BCL11B: variants seen among roughly 807,000 people sequenced by gnomAD.
The protein encoded by BCL11B is B-cell lymphoma/leukemia 11B.
BCL11B carries 8 observed loss-of-function variants against 49.9 expected under a neutral mutation model. The ratio of observed to expected loss-of-function variants is 0.16; its 90% CI spans 0.09 to 0.29. The LOEUF is 0.29. BCL11B is among the 10% of genes least tolerant of loss of function. The pLI is 1.00. For synonymous variants in BCL11B, 739 were observed against 637.4 expected, an observed-to-expected ratio of 1.16 and a Z score of -2.40; for missense variants, 1,006 against 1,351.0, an observed-to-expected ratio of 0.74 and a Z score of 4.00.
At position 99,175,855 on chromosome 14, in the gene BCL11B, C is replaced by G. The variant is rs752195180; in HGVS notation, c.981G>C (p.Pro327=). 6.8e-7 allele frequency: 1 copy of G among 1,477,114 alleles called. No homozygotes were observed. Among genetic ancestry groups the G allele is most frequent in the Admixed American group, 2.6e-5 (1 of 38,618 alleles). The allele number at this position is 1,477,114 out of a possible 1,614,324, so 91.5% of individuals were successfully genotyped here. The change falls in exon 4 of 4, where the codon CCG becomes CCC. Residue 327 remains proline (P), a synonymous_variant. Coordinates refer to ENST00000357195, the MANE Select transcript of BCL11B (RefSeq NM_138576.4). The part of the protein sequence containing the change: ...FSPPPRHHLD[P]HRLSAEEMGL... ...CCATCTCCTCGGCACTGAGGCGGTG[C>G]GGGTCCAGGTGGTGGCGCGGCGGGG...
At chr14:99,214,667 T>TA (rs1182292165) in intron 3 of BCL11B, among the ~76,000 whole-genome samples, 32 of 151,164 alleles carry the variant, frequency 2.1e-4, no homozygotes, top group Admixed American at 5.3e-4. Context: ...ATTTAAATAT[T>TA]AAAAAAATAA....
At chr14:99,255,247 T>G (rs1453642255) in intron 2 of BCL11B, among the ~76,000 whole-genome samples, 1 of 152,058 alleles carries the variant, frequency 6.6e-6, no homozygotes, top group Non-Finnish European at 1.5e-5. Flanking sequence ...TTAAATGCTT[T>G]GAACAAACAT....
intron 3 of BCL11B, among the ~76,000 whole-genome samples, chr14:99,203,211 G>T (rs1253567025): frequency 6.6e-6 from 1 of 152,160 alleles, no homozygotes; most frequent in Admixed American, 6.5e-5. Context: ...AGCAGAACAG[G>T]CCTAGTCAGC....
At chr14:99,207,799 G>C (rs951444605) in intron 3 of BCL11B, among the ~76,000 whole-genome samples, 6 of 152,158 alleles carry the variant, frequency 3.9e-5, no homozygotes, top group African/African-American at 1.2e-4. Context: ...CAGGAGCCCA[G>C]TGGAGCAAGG....
chr14:99,238,880 T>C (rs932118343), intron 2 of BCL11B, among the ~76,000 whole-genome samples: 2 of 152,146 alleles, frequency 1.3e-5, no homozygotes, highest in Admixed American at 6.5e-5. Flanking sequence ...CCCACCATCC[T>C]GGAATGGGCA....
intron 3 of BCL11B, among the ~76,000 whole-genome samples, chr14:99,226,889 C>A (rs1888176671): frequency 6.6e-6 from 1 of 152,228 alleles, no homozygotes; most frequent in African/African-American, 2.4e-5. Context: ...ACAGCAAGCA[C>A]AATTTCAGTA....
At chr14:99,176,244 G>T in intron 3 of BCL11B, 49 bp from the exon 4 acceptor site, 2 of 1,555,544 alleles carry the variant, frequency 1.3e-6, no homozygotes, top group Non-Finnish European at 1.7e-6. Context: ...AGAAGCGGCA[G>T]CGGGGCGCGG....
rs1385752587 is a variant in BCL11B at position 99,257,053 on chromosome 14, T to C, written c.427+418A>G. Among the ~76,000 whole-genome samples, 2 of 152,086 alleles carry C rather than the reference T, an allele frequency of 1.3e-5. No individual in the cohort carries two copies. The highest frequency in any genetic ancestry group is 2.9e-5 in the Non-Finnish European group (2 of 68,012). The stretch of plus-strand genomic sequence containing the variant: ...GCAACCCTAATGAGGTGGGTTTCCT[T>C]AGCTCCATTTCACAGATGGGCAAAC... On this transcript the variant is annotated intron_variant, in intron 2 of 3. Coordinates refer to ENST00000357195, the MANE Select transcript of BCL11B (RefSeq NM_138576.4). This position sits in a 1 kb window ranked among gnomAD's most constrained non-coding sequence, Gnocchi z 6.2.
rs1888884561 is a variant in BCL11B at position 99,247,579 on chromosome 14, C to G, written c.427+9892G>C. Reference sequence around the variant, plus strand: ...TACACTCTCCAGGAGGTGTGCTCTACCCTGAAAAAGGCTTTGAAATAAAGC... The same window carrying G: ...TACACTCTCCAGGAGGTGTGCTCTAGCCTGAAAAAGGCTTTGAAATAAAGC... On this transcript the variant is annotated intron_variant, in intron 2 of 3. Transcript: ENST00000357195. This position sits in a 1 kb window ranked among gnomAD's most constrained non-coding sequence, Gnocchi z 4.5. Among the ~76,000 whole-genome samples the G allele has an allele frequency of 6.6e-6, 1 of 152,184 alleles. No homozygotes were observed. The highest frequency in any genetic ancestry group is 2.1e-4 in the South Asian group (1 of 4,830).
intron 3 of BCL11B, among the ~76,000 whole-genome samples, chr14:99,224,615 C>A (rs192144048): frequency 1.3e-5 from 2 of 152,208 alleles, no homozygotes; most frequent in African/African-American, 4.8e-5. Context: ...CCCTTCCCAC[C>A]GGCCTTTTCC....
intron 3 of BCL11B, among the ~76,000 whole-genome samples, chr14:99,189,777 G>T (rs1042094344): frequency 8.5e-5 from 13 of 152,196 alleles, no homozygotes; most frequent in African/African-American, 3.1e-4. Flanking sequence ...GAGGTAGAGC[G>T]GGGGATGAGA....
At chr14:99,223,030 C>T (rs748478499) in intron 3 of BCL11B, among the ~76,000 whole-genome samples, 1 of 152,122 alleles carries the variant, frequency 6.6e-6, no homozygotes, top group Non-Finnish European at 1.5e-5. Flanking sequence ...GTCACTTGAG[C>T]AAATTTGCAG....
Position 99,257,414 on chromosome 14 carries a change from G to A in BCL11B, c.427+57C>T. ...CCTGCACCAGCACACTCAGGCAGAG[G>A]GCATGGGACCCAGGAGGTGGCTTCC... On this transcript the variant is annotated intron_variant, in intron 2 of 3. Transcript: ENST00000357195. The surrounding 1 kb of genome is among the most constrained non-coding windows in gnomAD (Gnocchi z 6.2). 3.2e-6 allele frequency: 5 copies of A among 1,542,000 alleles called. No homozygotes were observed. The highest frequency in any genetic ancestry group is 4.4e-6 in the Non-Finnish European group (5 of 1,138,570).
Position 99,175,420 on chromosome 14 carries a change from G to A in BCL11B, c.1416C>T (p.Arg472=). Residue 472 remains arginine (R), a synonymous_variant, in exon 4 of 4, where the codon CGC becomes CGT. Transcript: ENST00000357195. ...HACSQASKLK[R]HMKTHMHKAG... is the part of the protein sequence containing the mutation. ...CCTTGTGCATGTGCGTCTTCATGTG[G>A]CGCTTGAGCTTGCTGGCCTGCGAGC... 1 of 1,609,918 alleles carries A rather than the reference G, an allele frequency of 6.2e-7. No homozygotes were observed. The highest frequency in any genetic ancestry group is 8.5e-7 in the Non-Finnish European group (1 of 1,178,512).
At chr14:99,221,510 T>C (rs1888007776) in intron 3 of BCL11B, among the ~76,000 whole-genome samples, 1 of 152,254 alleles carries the variant, frequency 6.6e-6, no homozygotes, top group South Asian at 2.1e-4. Flanking sequence ...GTGGCAGCTC[T>C]GTGATTCACA....
At position 99,257,929 on chromosome 14, in the gene BCL11B, C is replaced by A; in HGVS notation, c.59-90G>T. ...ACCCAACTTCCGGTCCACCCCTTCC[C>A]CGCCAAGAAGCAGCCCCCTCTGCTG... is the stretch of plus-strand genomic sequence containing the variant. On this transcript the variant is annotated intron_variant, in intron 1 of 3. Transcript: ENST00000357195. The surrounding 1 kb of genome is among the most constrained non-coding windows in gnomAD (Gnocchi z 6.2). 2 of 1,387,768 alleles carry A rather than the reference C, an allele frequency of 1.4e-6. No homozygotes were observed. Among genetic ancestry groups the A allele is most frequent in the East Asian group, 2.5e-5 (1 of 40,596 alleles). The allele number at this position is 1,387,768 out of a possible 1,614,324, so 86.0% of individuals were successfully genotyped here.
chr14:99,254,740 G>A (rs1889109034), intron 2 of BCL11B, among the ~76,000 whole-genome samples: 1 of 152,260 alleles, frequency 6.6e-6, no homozygotes, highest in Admixed American at 6.5e-5. Context: ...CGGCCCGGGG[G>A]CCAGGAGCGT....
At chr14:99,267,224 CA>C (rs1352661994) in intron 1 of BCL11B, among the ~76,000 whole-genome samples, 2 of 151,264 alleles carry the variant, frequency 1.3e-5, no homozygotes, top group Non-Finnish European at 2.9e-5. Flanking sequence ...AAAGGCCAGA[CA>C]AAAAATCGCC....
Position 99,192,468 on chromosome 14 carries a change from T to A in BCL11B, c.641-16273A>T, listed in dbSNP as rs900994010. On this transcript the variant is annotated intron_variant, in intron 3 of 3. Coordinates refer to ENST00000357195, the MANE Select transcript of BCL11B (RefSeq NM_138576.4). This position sits in a 1 kb window ranked among gnomAD's most constrained non-coding sequence, Gnocchi z 4.0. Reference sequence around the variant, plus strand: ...GTGGCTCTCGTTAGAAGGCAGAAAATAAAACAATGCCGGCACGTTCTGGAG... The same window carrying A: ...GTGGCTCTCGTTAGAAGGCAGAAAAAAAAACAATGCCGGCACGTTCTGGAG... 2.6e-5 allele frequency among the ~76,000 whole-genome samples: 4 copies of A among 152,070 alleles called. No individual in the cohort carries two copies. The South Asian group carries it at 8.3e-4, about 32-fold the overall frequency.
Sources: allele counts gnomAD v4.1 joint callset (sites outside exome capture counted in the v4.1 genomes callset), GRCh38; gene constraint gnomAD v4.1.1; non-coding constraint Gnocchi (gnomAD v3.1); transcripts MANE v1.5; gene names NCBI Gene and HGNC (gene_info 2026-07-23, HGNC 2026-07-21).